SYNDIG1: variants seen among roughly 807,000 people sequenced by gnomAD.
SYNDIG1 encodes synapse differentiation inducing 1.
In SYNDIG1, 9 loss-of-function variants were observed where a neutral mutation model predicts 19.4. The ratio of observed to expected loss-of-function variants is 0.46; its 90% CI spans 0.28 to 0.81. SYNDIG1 has a LOEUF of 0.81. Among genes scored for constraint, SYNDIG1 ranks in the 30% least tolerant of loss-of-function variants. SYNDIG1 has a pLI of 0.12. For missense variants in SYNDIG1, 311 were observed against 343.3 expected (o/e 0.91, Z 0.74); for synonymous variants, 141 against 145.9 (o/e 0.97, Z 0.24).
chr20:24,476,192 C>CACAGTCTATT lies in SYNDIG1; in HGVS notation c.-79+6439_-79+6440insACAGTCTATT, dbSNP rs1413351571. ...GCATAGTATCTTAACAGTTTTTTTTCTTATATACTAAACCCAGAGATACAG... is the reference window on the plus strand; with the variant it reads ...GCATAGTATCTTAACAGTTTTTTTTCACAGTCTATTTTATATACTAAACCCAGAGATACAG... On this transcript the variant is annotated intron_variant, in intron 1 of 3. Transcript: ENST00000376862. Among the ~76,000 whole-genome samples, 3 of 151,610 alleles carry CACAGTCTATT rather than the reference C, an allele frequency of 2.0e-5. No individual in the cohort carries two copies. In the East Asian group the frequency reaches 6.2e-4, roughly 31 times the overall value.
intron 3 of SYNDIG1, among the ~76,000 whole-genome samples, chr20:24,620,101 A>G (rs979959470): frequency 3.9e-5 from 6 of 152,206 alleles, no homozygotes; most frequent in African/African-American, 1.2e-4. Flanking sequence ...GCCACAATCT[A>G]TGTGATTCTT....
chr20:24,622,944 A>G (rs1255000215), intron 3 of SYNDIG1, among the ~76,000 whole-genome samples: 1 of 152,238 alleles, frequency 6.6e-6, no homozygotes, highest in Non-Finnish European at 1.5e-5. Flanking sequence ...ACCATAGAAA[A>G]TTGAAACCAA....
At position 24,650,641 on chromosome 20, in the gene SYNDIG1, C is replaced by T. The variant is rs375805201; in HGVS notation, c.619-14705C>T. ...CTCAGAATTCAGAGCACCAGCCCAG[C>T]CTCCCAGCTAGGACAGCGTTCCAGC... On this transcript the variant is annotated intron_variant, in intron 3 of 3. Coordinates refer to ENST00000376862, the MANE Select transcript of SYNDIG1 (RefSeq NM_024893.3). 3.9e-4 allele frequency among the ~76,000 whole-genome samples: 60 copies of T among 152,360 alleles called. 1 individual carries two copies. The East Asian group carries it at 0.01, about 26-fold the overall frequency.
intron 1 of SYNDIG1, among the ~76,000 whole-genome samples, chr20:24,482,365 G>A (rs141446060): frequency 0.012 from 1,840 of 152,232 alleles, 38 homozygotes; most frequent in African/African-American, 0.04. Flanking sequence ...CACCACGCCC[G>A]GCCGTGCATC....
chr20:24,578,627 A>G (rs1334661163), intron 2 of SYNDIG1, among the ~76,000 whole-genome samples: 1 of 152,138 alleles, frequency 6.6e-6, no homozygotes, highest in African/African-American at 2.4e-5. Flanking sequence ...CATTTGCGCA[A>G]AAGCCTCAAA....
chr20:24,646,533 C>G (rs993946694), intron 3 of SYNDIG1, among the ~76,000 whole-genome samples: 4 of 152,176 alleles, frequency 2.6e-5, no homozygotes, highest in African/African-American at 9.7e-5. Context: ...ACCACATGAT[C>G]TCTGTGCATG....
chr20:24,598,160 G>A (rs1057238167), intron 3 of SYNDIG1, among the ~76,000 whole-genome samples: 3 of 152,192 alleles, frequency 2.0e-5, no homozygotes, highest in East Asian at 1.9e-4. Flanking sequence ...CAAGAAATGC[G>A]CTGCTGCAGA....
intron 2 of SYNDIG1, among the ~76,000 whole-genome samples, chr20:24,549,515 A>T (rs6049781): frequency 6.6e-6 from 1 of 152,058 alleles, no homozygotes; most frequent in African/African-American, 2.4e-5. Flanking sequence ...AACCCCTTGC[A>T]GGACTGGAGC....
At chr20:24,547,242 T>C (rs746205183) in intron 2 of SYNDIG1, among the ~76,000 whole-genome samples, 86 of 152,232 alleles carry the variant, frequency 5.6e-4, no homozygotes, top group Admixed American at 1.1e-3. Context: ...CCCCAATCAC[T>C]TTCCCAAGAC....
At chr20:24,559,920 A>G (rs1190821824) in intron 2 of SYNDIG1, among the ~76,000 whole-genome samples, 1 of 150,558 alleles carries the variant, frequency 6.6e-6, no homozygotes, top group East Asian at 1.9e-4. Context: ...TCAATAATGT[A>G]ATTGCCATGT....
intron 1 of SYNDIG1, among the ~76,000 whole-genome samples, chr20:24,528,928 A>C (rs972526792): frequency 6.6e-6 from 1 of 152,226 alleles, no homozygotes; most frequent in Non-Finnish European, 1.5e-5. Context: ...CTAAGTGTTC[A>C]ACTGTGTTTT....
In SYNDIG1 at chr20:24,644,704, A is replaced by G. The variant is rs1036730860; in HGVS notation, c.619-20642A>G. ...AGTTATCTCAGCCCAGGAACCAGCTATCTGAGAGAAGTTACATTGGACCTC... is the reference window on the plus strand; with the variant it reads ...AGTTATCTCAGCCCAGGAACCAGCTGTCTGAGAGAAGTTACATTGGACCTC... On this transcript the variant is annotated intron_variant, in intron 3 of 3. Coordinates refer to ENST00000376862, the MANE Select transcript of SYNDIG1 (RefSeq NM_024893.3). Among the ~76,000 whole-genome samples, 5 of 152,364 alleles carry G rather than the reference A, an allele frequency of 3.3e-5. 1 individual carries two copies. The highest frequency in any genetic ancestry group is 2.4e-5 in the African/African-American group (1 of 41,594).
rs1223680029 is a variant in SYNDIG1, at chr20:24,543,244, G to A, written c.147G>A (p.Gln49=). The change falls in exon 2 of 4, where the codon CAG becomes CAA. Residue 49 remains glutamine (Q), a synonymous_variant. Coordinates refer to ENST00000376862, the MANE Select transcript of SYNDIG1 (RefSeq NM_024893.3). Reference sequence around the variant, plus strand: ...CTGTTTACCCAGCGCCCCAGTACCAGAGCCACCGGGTGGGGGCCAGCACAG... The same window carrying A: ...CTGTTTACCCAGCGCCCCAGTACCAAAGCCACCGGGTGGGGGCCAGCACAG... ...LVSVYPAPQY[Q]SHRVGASTVP... 6.2e-7 allele frequency: 1 copy of A among 1,613,792 alleles called. No individual in the cohort carries two copies. Among genetic ancestry groups the A allele is most frequent in the Admixed American group, 1.7e-5 (1 of 60,018 alleles).
At chr20:24,523,074 G>A (rs986606665) in intron 1 of SYNDIG1, among the ~76,000 whole-genome samples, 4 of 152,168 alleles carry the variant, frequency 2.6e-5, no homozygotes, top group African/African-American at 9.7e-5. Flanking sequence ...TTCCTATTGA[G>A]GTTGGCTGTG....
intron 3 of SYNDIG1, among the ~76,000 whole-genome samples, chr20:24,591,439 A>C (rs2058510794): frequency 6.6e-6 from 1 of 151,638 alleles, no homozygotes; most frequent in African/African-American, 2.4e-5. Flanking sequence ...AACATAGTAC[A>C]TCTAGTTATC....
At chr20:24,507,419 C>T (rs1224746308) in intron 1 of SYNDIG1, among the ~76,000 whole-genome samples, 1 of 152,246 alleles carries the variant, frequency 6.6e-6, no homozygotes, top group Non-Finnish European at 1.5e-5. Context: ...ACCAATTTGT[C>T]CCTGGCTGGT....
chr20:24,498,011 C>T (rs2056343948), intron 1 of SYNDIG1, among the ~76,000 whole-genome samples: 1 of 152,222 alleles, frequency 6.6e-6, no homozygotes. Flanking sequence ...AGCCAAAGGC[C>T]TGGGCAGGTT....
intron 1 of SYNDIG1, among the ~76,000 whole-genome samples, chr20:24,517,798 A>G (rs1268597746): frequency 7.0e-6 from 1 of 142,930 alleles, no homozygotes; most frequent in Non-Finnish European, 1.5e-5. Context: ...TTTTGAAAAA[A>G]TATTTTTTAT....
intron 3 of SYNDIG1, chr20:24,596,967 G>GC (rs928470411): frequency 9.5e-6 from 1 of 105,006 alleles, no homozygotes; most frequent in East Asian, 6.3e-4. Context: ...AGATGGTAAA[G>GC]GGGGGCACAC....
Sources: gnomAD v4.1 joint callset for allele counts (sites outside exome capture counted in the v4.1 genomes callset) on GRCh38, gnomAD v4.1.1 for gene constraint, MANE v1.5 for transcripts, NCBI Gene and HGNC (gene_info 2026-07-23, HGNC 2026-07-21) for gene names.